FOXN3: variants seen among roughly 807,000 people sequenced by gnomAD.
FOXN3 encodes the protein forkhead box protein N3.
In FOXN3, 7 loss-of-function variants were observed where a neutral mutation model predicts 38.4. The observed-to-expected ratio is 0.18, with a 90% CI of 0.10 to 0.34. The LOEUF is 0.34. Ranked by LOEUF, FOXN3 falls within the 10% of genes least tolerant of loss-of-function variation. FOXN3 has a pLI of 1.00. For synonymous variants in FOXN3, 230 were observed against 242.2 expected (o/e 0.95, Z 0.47); for missense variants, 456 against 613.4 (o/e 0.74, Z 2.71).
intron 1 of FOXN3, among the ~76,000 whole-genome samples, chr14:89,525,800 AC>A (rs1437486913): frequency 6.6e-6 from 1 of 152,166 alleles, no homozygotes; most frequent in East Asian, 1.9e-4. Context: ...CAATACCAAA[AC>A]CAGACAAAGA....
At chr14:89,214,864 T>G (rs929882848) in intron 4 of FOXN3, among the ~76,000 whole-genome samples, 1 of 152,272 alleles carries the variant, frequency 6.6e-6, no homozygotes, top group Non-Finnish European at 1.5e-5. Context: ...AATTCCATTT[T>G]CTGATTCTTA....
In FOXN3 at chr14:89,401,814, G is replaced by A. The variant is rs1208823915; in HGVS notation, c.543+10120C>T. On this transcript the variant is annotated intron_variant, in intron 2 of 5. Transcript: ENST00000557258. ...GCACTTCACAGAACTCCAATAAATA[G>A]AAAGAAGACACTGAACTCGACCCCA... 1.1e-5 allele frequency: 4 copies of A among 368,758 alleles called. No homozygotes were observed. In the East Asian group the frequency reaches 3.0e-4, roughly 28 times the overall value. The allele number at this position is 368,758 out of a possible 1,614,324, so 22.8% of individuals were successfully genotyped here.
intron 4 of FOXN3, among the ~76,000 whole-genome samples, chr14:89,264,839 T>A (rs999422253): frequency 6.6e-6 from 1 of 152,190 alleles, no homozygotes; most frequent in Non-Finnish European, 1.5e-5. Flanking sequence ...ATCTTCATCA[T>A]CAAATCAAAA....
rs1887151610 is a variant in FOXN3 at position 89,163,187 on chromosome 14, G to A, written c.852-218C>T. On this transcript the variant is annotated intron_variant, in intron 5 of 5. Transcript: ENST00000557258. The surrounding 1 kb of genome is among the most constrained non-coding windows in gnomAD (Gnocchi z 4.3). ...GTCTCCCCTGCTTATCTCCTATAAT[G>A]GCAGTTTCACTCCATTTGTGTGGCT... 6.6e-6 allele frequency among the ~76,000 whole-genome samples: 1 copy of A among 152,138 alleles called. No individual in the cohort carries two copies.
intron 1 of FOXN3, among the ~76,000 whole-genome samples, chr14:89,545,496 C>G (rs1031398814): frequency 5.3e-5 from 8 of 152,172 alleles, no homozygotes; most frequent in African/African-American, 1.4e-4. Flanking sequence ...ATAGCATGTC[C>G]CATTCGTGGC....
At chr14:89,489,402 C>T (rs1034676503) in intron 1 of FOXN3, among the ~76,000 whole-genome samples, 1 of 152,208 alleles carries the variant, frequency 6.6e-6, no homozygotes, top group African/African-American at 2.4e-5. Context: ...CAACATGTTT[C>T]TGATGCCCTT....
intron 1 of FOXN3, among the ~76,000 whole-genome samples, chr14:89,555,881 G>GTGTGTGTGTGTGTGTGTGTGT (rs374731979): frequency 8.7e-6 from 1 of 115,464 alleles, no homozygotes; most frequent in Non-Finnish European, 2.0e-5. Flanking sequence ...GTGTGTATGT[G>GTGTGTGTGTGTGTGTGTGTGT]GGGGTGTATG....
At chr14:89,323,287 C>CAAAAAAAA (rs60059606) in intron 3 of FOXN3, among the ~76,000 whole-genome samples, 1 of 75,968 alleles carries the variant, frequency 1.3e-5, no homozygotes, top group African/African-American at 4.9e-5. Context: ...GACTCCATCT[C>CAAAAAAAA]AAAAAAAAAA....
rs557847280 is a variant in FOXN3 at position 89,260,735 on chromosome 14, G to A, written c.745+20215C>T. ...ACCCCCTAATATTTAAGCAGCCCAA[G>A]TGTCGGAATCACTCTGCCATTTGTA... is the stretch of plus-strand genomic sequence containing the variant. On this transcript the variant is annotated intron_variant, in intron 4 of 5. Coordinates refer to ENST00000557258, the MANE Select transcript of FOXN3 (RefSeq NM_005197.4). Among the ~76,000 whole-genome samples the A allele has an allele frequency of 1.2e-4, 19 of 152,334 alleles. No homozygotes were observed. In the East Asian group the frequency reaches 3.7e-3, roughly 29 times the overall value.
At chr14:89,568,677 G>A (rs1188925866) in intron 1 of FOXN3, among the ~76,000 whole-genome samples, 1 of 152,168 alleles carries the variant, frequency 6.6e-6, no homozygotes, top group Non-Finnish European at 1.5e-5. Context: ...GAAATTCCTT[G>A]CTGGCAAGGG....
At chr14:89,169,336 G>C (rs1887326931) in intron 5 of FOXN3, among the ~76,000 whole-genome samples, 1 of 152,156 alleles carries the variant, frequency 6.6e-6, no homozygotes, top group Admixed American at 6.5e-5. Context: ...CACTACTCGG[G>C]AGGCTAAGGT....
chr14:89,273,400 T>A lies in FOXN3; in HGVS notation c.745+7550A>T, dbSNP rs141329678. On this transcript the variant is annotated intron_variant, in intron 4 of 5. Coordinates refer to ENST00000557258, the MANE Select transcript of FOXN3 (RefSeq NM_005197.4). ...TCACAAAACTGCCATTTTCTCAGTG[T>A]GCATCACTGGATTTTGGTTAAAATG... 3.4e-4 allele frequency among the ~76,000 whole-genome samples: 52 copies of A among 152,328 alleles called. No homozygotes were observed. In the South Asian group the frequency reaches 3.7e-3, roughly 11 times the overall value.
At chr14:89,467,564 A>G (rs978498931) in intron 1 of FOXN3, among the ~76,000 whole-genome samples, 2 of 150,982 alleles carry the variant, frequency 1.3e-5, no homozygotes, top group Non-Finnish European at 2.9e-5. Flanking sequence ...AAAAAAAAAA[A>G]GGCAAAACAG....
At chr14:89,224,927 G>A (rs1351425183) in intron 4 of FOXN3, among the ~76,000 whole-genome samples, 1 of 151,698 alleles carries the variant, frequency 6.6e-6, no homozygotes, top group Admixed American at 6.6e-5. Flanking sequence ...TCAGGAGATC[G>A]AGACCATCCT....
At chr14:89,419,051 A>C (rs868697020), upstream of FOXN3, 4 of 444,630 alleles carry the variant, frequency 9.0e-6, no homozygotes, top group African/African-American at 2.0e-5. Flanking sequence ...AGAGTTCAAA[A>C]AGAGGGGATG....
chr14:89,225,857 G>T (rs181962769), intron 4 of FOXN3, among the ~76,000 whole-genome samples: 1 of 152,100 alleles, frequency 6.6e-6, no homozygotes, highest in Non-Finnish European at 1.5e-5. Flanking sequence ...CTCTGAAAGG[G>T]TTTATTTCAC....
intron 1 of FOXN3, among the ~76,000 whole-genome samples, chr14:89,582,487 CTTTT>C (rs57273137): frequency 2.3e-5 from 2 of 86,762 alleles, no homozygotes; most frequent in African/African-American, 4.1e-5. Context: ...TTAAACTCAC[CTTTT>C]TTTTTTTTTT....
intron 1 of FOXN3, among the ~76,000 whole-genome samples, chr14:89,472,968 T>C (rs907145034): frequency 1.3e-5 from 2 of 152,296 alleles, no homozygotes; most frequent in African/African-American, 4.8e-5. Flanking sequence ...CAGTAAAACC[T>C]GCTCCAAATG....
At chr14:89,374,126 T>C (rs1168840626) in intron 2 of FOXN3, among the ~76,000 whole-genome samples, 1 of 150,930 alleles carries the variant, frequency 6.6e-6, no homozygotes, top group Non-Finnish European at 1.5e-5. Context: ...ATTAACGGCA[T>C]GATGGTGTGC....
Sources: allele counts gnomAD v4.1 joint callset (sites outside exome capture counted in the v4.1 genomes callset), GRCh38; gene constraint gnomAD v4.1.1; non-coding constraint Gnocchi (gnomAD v3.1); transcripts MANE v1.5; gene names NCBI Gene and HGNC (gene_info 2026-07-23, HGNC 2026-07-21).